The following PEBP4 variants were observed in gnomAD, a reference collection of about 807,000 sequenced individuals.
PEBP4 encodes phosphatidylethanolamine binding protein 4.
Under a neutral mutation model 23.9 loss-of-function variants are expected in PEBP4, and 22 were observed. That is an observed-to-expected ratio of 0.92 (90% CI 0.66 to 1.31). The LOEUF (loss-of-function observed/expected upper bound fraction) is 1.31, where lower values mean the gene tolerates loss of function less well. Ranked by LOEUF, PEBP4 falls within the 40% of genes most tolerant of loss-of-function variation. PEBP4 has a pLI of 0.00. For synonymous variants in PEBP4, 112 were observed against 99.3 expected (o/e 1.13, Z -0.76); for missense variants, 324 against 281.7 (o/e 1.15, Z -1.07).
chr8:22,718,893 G>T (rs921937050), intron 6 of PEBP4, among the ~76,000 whole-genome samples: 1 of 152,118 alleles, frequency 6.6e-6, no homozygotes, highest in Non-Finnish European at 1.5e-5. Context: ...CTACTAGGCT[G>T]GTGGATTTCC....
At chr8:22,843,841 C>T (rs1383291946) in intron 3 of PEBP4, among the ~76,000 whole-genome samples, 2 of 152,184 alleles carry the variant, frequency 1.3e-5, no homozygotes. Context: ...AAAACAAAGA[C>T]CCTCACAGGA....
chr8:22,914,664 G>A (rs562973188), intron 3 of PEBP4, among the ~76,000 whole-genome samples: 51 of 152,128 alleles, frequency 3.4e-4, no homozygotes, highest in African/African-American at 1.0e-3. Context: ...CAGAGTCCAC[G>A]CCTGCTGGAA....
At chr8:22,838,725 G>T (rs892223896) in intron 3 of PEBP4, among the ~76,000 whole-genome samples, 3 of 152,382 alleles carry the variant, frequency 2.0e-5, no homozygotes, top group African/African-American at 7.2e-5. Flanking sequence ...GCTGTGGCTC[G>T]GCCCCCTCTG....
intron 4 of PEBP4, among the ~76,000 whole-genome samples, chr8:22,791,031 C>T (rs1390811075): frequency 6.6e-6 from 1 of 152,128 alleles, no homozygotes; most frequent in African/African-American, 2.4e-5. Flanking sequence ...TCAGCCACTA[C>T]CCTTTGATAG....
intron 1 of PEBP4, among the ~76,000 whole-genome samples, chr8:22,936,422 T>A (rs1410038006): frequency 6.6e-6 from 1 of 152,120 alleles, no homozygotes; most frequent in Non-Finnish European, 1.5e-5. Flanking sequence ...ATGGAAAGCC[T>A]GAATAGATCC....
intron 4 of PEBP4, among the ~76,000 whole-genome samples, chr8:22,728,559 T>TCTTCCTTCCCTC (rs1804667648): frequency 1.0e-5 from 1 of 96,316 alleles, no homozygotes; most frequent in Non-Finnish European, 2.1e-5. Flanking sequence ...TTTCTTTCTT[T>TCTTCCTTCCCTC]CTTCCTTCCT....
intron 6 of PEBP4, among the ~76,000 whole-genome samples, chr8:22,719,078 C>T (rs1300095013): frequency 2.6e-5 from 4 of 152,170 alleles, no homozygotes; most frequent in Admixed American, 6.5e-5. Context: ...TCTCTCCTCT[C>T]TGACCCCTGT....
chr8:22,883,487 C>G (rs1265679820), intron 3 of PEBP4, among the ~76,000 whole-genome samples: 1 of 151,928 alleles, frequency 6.6e-6, no homozygotes, highest in African/African-American at 2.4e-5. Context: ...ACATCCCTCT[C>G]CAGGGAAGGT....
At chr8:22,780,012 G>A (rs371168258) in intron 4 of PEBP4, among the ~76,000 whole-genome samples, 3 of 151,348 alleles carry the variant, frequency 2.0e-5, no homozygotes, top group Non-Finnish European at 4.4e-5. Context: ...GCAGTGGCAC[G>A]ATCACGGCTC....
At chr8:22,739,006 G>A (rs966821945) in intron 4 of PEBP4, among the ~76,000 whole-genome samples, 3 of 152,180 alleles carry the variant, frequency 2.0e-5, no homozygotes, top group Non-Finnish European at 2.9e-5. Flanking sequence ...CTGGGACCAT[G>A]CAATTAGGAA....
chr8:22,893,865 T>C (rs1808543611), intron 3 of PEBP4, among the ~76,000 whole-genome samples: 1 of 152,088 alleles, frequency 6.6e-6, no homozygotes. Context: ...AATTCCCTTT[T>C]AGGGAATATT....
chr8:22,842,804 A>T (rs1276502551), intron 3 of PEBP4, among the ~76,000 whole-genome samples: 1 of 152,084 alleles, frequency 6.6e-6, no homozygotes, highest in Non-Finnish European at 1.5e-5. Flanking sequence ...AATTCTCGAT[A>T]CTTTTTGAAC....
chr8:22,835,361 T>C (rs546997219), intron 3 of PEBP4, among the ~76,000 whole-genome samples: 1 of 152,342 alleles, frequency 6.6e-6, no homozygotes, highest in South Asian at 2.1e-4. Flanking sequence ...AGCAGTGACC[T>C]TGACAGCCGG....
chr8:22,924,870 G>A (rs1279940258), intron 2 of PEBP4: 21 of 985,366 alleles, frequency 2.1e-5, no homozygotes, highest in South Asian at 1.9e-4. Context: ...CCCGAGAAGC[G>A]TTACTCTTAA....
chr8:22,871,372 T>C (rs1808003223), intron 3 of PEBP4, among the ~76,000 whole-genome samples: 1 of 152,114 alleles, frequency 6.6e-6, no homozygotes, highest in African/African-American at 2.4e-5. Flanking sequence ...AAGACCTCTC[T>C]GGAATAATAA....
chr8:22,760,824 C>G (rs140228058), intron 4 of PEBP4, among the ~76,000 whole-genome samples: 2 of 152,250 alleles, frequency 1.3e-5, no homozygotes, highest in African/African-American at 2.4e-5. Flanking sequence ...CCTCAGTCCT[C>G]GTAGGATGAA....
At chr8:22,894,523 A>G (rs955879396) in intron 3 of PEBP4, among the ~76,000 whole-genome samples, 1 of 152,214 alleles carries the variant, frequency 6.6e-6, no homozygotes, top group African/African-American at 2.4e-5. Context: ...TCAAGGCTGC[A>G]GTGAACCGTA....
chr8:22,922,358 T>G (rs1008594453), intron 2 of PEBP4, among the ~76,000 whole-genome samples: 1 of 151,982 alleles, frequency 6.6e-6, no homozygotes, highest in Non-Finnish European at 1.5e-5. Context: ...TCAAATTGAC[T>G]TACGAGACGA....
intron 4 of PEBP4, among the ~76,000 whole-genome samples, chr8:22,751,344 G>A (rs1805252892): frequency 1.3e-5 from 2 of 152,312 alleles, no homozygotes; most frequent in South Asian, 4.1e-4. Flanking sequence ...TCTTGGGGGT[G>A]GTCGGAACAA....
Sources: allele counts gnomAD v4.1 joint callset (sites outside exome capture counted in the v4.1 genomes callset), GRCh38; gene constraint gnomAD v4.1.1; transcripts MANE v1.5; gene names NCBI Gene and HGNC (gene_info 2026-07-23, HGNC 2026-07-21).